BMAL2: variants seen among roughly 807,000 people sequenced by gnomAD.
BMAL2 encodes basic helix-loop-helix ARNT-like protein 2.
At chr12:27,353,487 A>T in the BMAL2 span, among the ~76,000 whole-genome samples, 1 of 152,216 alleles carries the variant, frequency 6.6e-6, no homozygotes, top group African/African-American at 2.4e-5. Context: ...AAGAAAACCT[A>T]GAAAATACCA....
At chr12:27,339,288 A>G in the BMAL2 span, among the ~76,000 whole-genome samples, 3 of 152,186 alleles carry the variant, frequency 2.0e-5, no homozygotes, top group Admixed American at 2.0e-4. Flanking sequence ...AGAGGACATG[A>G]TCTCATTCTT....
the BMAL2 span, among the ~76,000 whole-genome samples, chr12:27,364,501 G>C: frequency 6.6e-6 from 1 of 151,820 alleles, no homozygotes; most frequent in African/African-American, 2.4e-5. Context: ...TACATGTCTG[G>C]GCTCTTTGTT....
chr12:27,368,363 A>G, the BMAL2 span: 4 of 1,614,078 alleles, frequency 2.5e-6, no homozygotes, highest in African/African-American at 1.3e-5. Context: ...CAGCTCACAC[A>G]TGACAGAGTT....
At chr12:27,364,770 A>G in the BMAL2 span, among the ~76,000 whole-genome samples, 4 of 152,302 alleles carry the variant, frequency 2.6e-5, no homozygotes, top group East Asian at 7.7e-4. Flanking sequence ...CTCCAATTCA[A>G]AAGCCTGGCA....
At chr12:27,384,493 C>A in the BMAL2 span, among the ~76,000 whole-genome samples, 1 of 151,976 alleles carries the variant, frequency 6.6e-6, no homozygotes, top group South Asian at 2.1e-4. Flanking sequence ...TTCCAGAATA[C>A]CCCCATTCAA....
At chr12:27,402,811 A>C in the BMAL2 span, 1 of 753,558 alleles carries the variant, frequency 1.3e-6, no homozygotes, top group South Asian at 2.2e-5. Flanking sequence ...GGGTTATAGG[A>C]ATCCCAACTT....
chr12:27,354,203 G>A, the BMAL2 span, among the ~76,000 whole-genome samples: 119 of 152,308 alleles, frequency 7.8e-4, 1 homozygote, highest in Middle Eastern at 0.01. Context: ...CAAAGAAAAT[G>A]TGGTACATAC....
chr12:27,368,414 T>C, the BMAL2 span: 1 of 1,614,078 alleles, frequency 6.2e-7, no homozygotes, highest in Non-Finnish European at 8.5e-7. Flanking sequence ...CCCATCCCAG[T>C]AAGTGAATTT....
At chr12:27,420,146 C>A in the BMAL2 span, among the ~76,000 whole-genome samples, 2 of 152,076 alleles carry the variant, frequency 1.3e-5, no homozygotes, top group South Asian at 2.1e-4. Context: ...GACTAGCTTA[C>A]TTCTCTGTAG....
the BMAL2 span, among the ~76,000 whole-genome samples, chr12:27,366,129 T>A: frequency 6.6e-6 from 1 of 152,166 alleles, no homozygotes; most frequent in Admixed American, 6.5e-5. Context: ...TATCTTTTTG[T>A]TCCTGGCTTC....
At chr12:27,334,056 A>G in the BMAL2 span, among the ~76,000 whole-genome samples, 1 of 152,224 alleles carries the variant, frequency 6.6e-6, no homozygotes, top group Non-Finnish European at 1.5e-5. Context: ...AGAGTTTTAG[A>G]TTCTTCTCTG....
the BMAL2 span, among the ~76,000 whole-genome samples, chr12:27,337,687 T>G: frequency 3.3e-5 from 5 of 152,214 alleles, no homozygotes; most frequent in African/African-American, 1.2e-4. Context: ...ACTGGGCTTG[T>G]GATTTCTGGT....
the BMAL2 span, chr12:27,402,603 G>T: frequency 6.2e-7 from 1 of 1,601,754 alleles, no homozygotes; most frequent in Non-Finnish European, 8.5e-7. Flanking sequence ...ATCACCTATG[G>T]TGTTTTTAAT....
the BMAL2 span, among the ~76,000 whole-genome samples, chr12:27,366,500 C>T: frequency 6.6e-6 from 1 of 152,124 alleles, no homozygotes; most frequent in African/African-American, 2.4e-5. Context: ...TTGCTTTAAA[C>T]TTTTTATATG....
At chr12:27,404,855 A>G in the BMAL2 span, among the ~76,000 whole-genome samples, 1 of 152,142 alleles carries the variant, frequency 6.6e-6, no homozygotes, top group African/African-American at 2.4e-5. Context: ...TTCCTAGTCA[A>G]AGGGGTGACA....
chr12:27,389,836 A>T, the BMAL2 span: 1 of 312,918 alleles, frequency 3.2e-6, no homozygotes, highest in Non-Finnish European at 5.7e-6. Flanking sequence ...CATTTCACTT[A>T]AATTAACTTT....
the BMAL2 span, among the ~76,000 whole-genome samples, chr12:27,409,074 A>T: frequency 6.6e-6 from 1 of 152,178 alleles, no homozygotes; most frequent in Non-Finnish European, 1.5e-5. Context: ...ACTAGAAACC[A>T]CTGCTCAATG....
chr12:27,382,188 G>A, the BMAL2 span, among the ~76,000 whole-genome samples: 1 of 152,098 alleles, frequency 6.6e-6, no homozygotes, highest in African/African-American at 2.4e-5. Flanking sequence ...AAATTTACAG[G>A]CTCAACTGAG....
At chr12:27,385,845 C>T in the BMAL2 span, among the ~76,000 whole-genome samples, 5 of 152,002 alleles carry the variant, frequency 3.3e-5, no homozygotes, top group East Asian at 1.9e-4. Flanking sequence ...GATCTACTCC[C>T]CCATGATCAC....
Sources: gnomAD v4.1 joint callset for allele counts (sites outside exome capture counted in the v4.1 genomes callset) on GRCh38, gnomAD v4.1.1 for gene constraint, MANE v1.5 for transcripts, NCBI Gene and HGNC (gene_info 2026-07-23, HGNC 2026-07-21) for gene names.